KCNH4: variants seen among roughly 807,000 people sequenced by gnomAD.
KCNH4 encodes potassium voltage-gated channel subfamily H member 4.
In KCNH4, 33 loss-of-function variants were observed where a neutral mutation model predicts 90.7. The observed-to-expected ratio is 0.36, with a 90% CI of 0.28 to 0.49. The LOEUF (loss-of-function observed/expected upper bound fraction) is 0.49, where lower values mean the gene tolerates loss of function less well. Among genes scored for constraint, KCNH4 ranks in the 20% least tolerant of loss-of-function variants. The pLI, the probability that KCNH4 is intolerant of heterozygous loss-of-function variation, is 0.98. For synonymous variants in KCNH4, 551 were observed against 581.7 expected (o/e 0.95, Z 0.76); for missense variants, 1,044 against 1,387.1 (o/e 0.75, Z 3.93).
At chr17:42,174,391 T>C (rs2079848004) in intron 6 of KCNH4, among the ~76,000 whole-genome samples, 1 of 152,052 alleles carries the variant, frequency 6.6e-6, no homozygotes. Flanking sequence ...GGGCTCTCTG[T>C]AGTGTCCCAC....
Position 42,170,069 on chromosome 17 carries a change from C to T in KCNH4, c.1390+38G>A, listed in dbSNP as rs138304632. ...CAGTTTCCCCGTGCATGCTGGGCTT[C>T]GCAGGGCCCCACTGAGGCGTGGCAG... On this transcript the variant is annotated intron_variant, in intron 8 of 16. Transcript: ENST00000264661. 7,380 of 1,541,788 alleles carry T rather than the reference C, an allele frequency of 4.8e-3. 24 individuals are homozygous for T. Among genetic ancestry groups the T allele is most frequent in the Non-Finnish European group, 5.9e-3 (6,763 of 1,142,500 alleles).
At position 42,171,887 on chromosome 17, in the gene KCNH4, T is replaced by C. The variant is rs776954865; in HGVS notation, c.1096A>G (p.Met366Val). ...TGGGCAAGGAGCGCAAAGACCGACA[T>C]GAGCAGCGTGAGCACCACAGCACTG... ...QCSAVVLTLL[M>V]SVFALLAHWM... Residue 366 changes from methionine to valine, a missense_variant, in exon 7 of 17, where the codon ATG becomes GTG. By Grantham distance (21) the Met-to-Val change is conservative. Transcript: ENST00000264661. 4 of 1,613,866 alleles carry C rather than the reference T, an allele frequency of 2.5e-6. No individual in the cohort carries two copies. The highest frequency in any genetic ancestry group is 1.1e-5 in the South Asian group (1 of 91,078).
intron 8 of KCNH4, 23 bp from the exon 9 acceptor site, chr17:42,169,699 G>A: frequency 2.5e-6 from 4 of 1,609,226 alleles, no homozygotes; most frequent in Middle Eastern, 1.7e-4. Context: ...CAGCGGGCCT[G>A]TCAGGGGCGG....
intron 15 of KCNH4, 78 bp from the exon 16 acceptor site, chr17:42,160,513 T>C: frequency 6.9e-7 from 1 of 1,447,012 alleles, no homozygotes; most frequent in Non-Finnish European, 9.2e-7. Flanking sequence ...TTTACAAAGC[T>C]CTTTCGCAGC....
chr17:42,166,054 A>G lies in KCNH4; in HGVS notation c.1840+243T>C, dbSNP rs577829345. Among the ~76,000 whole-genome samples, 56 of 152,194 alleles carry G rather than the reference A, an allele frequency of 3.7e-4. 1 individual carries two copies. Among genetic ancestry groups the G allele is most frequent in the Non-Finnish European group, 6.9e-4 (47 of 67,998 alleles). Reference sequence around the variant, plus strand: ...GAAGTGGAGCAATGGGAAAGGATCAATTGAGCTGGGGGACAGTCACCGGGA... The same window carrying G: ...GAAGTGGAGCAATGGGAAAGGATCAGTTGAGCTGGGGGACAGTCACCGGGA... On this transcript the variant is annotated intron_variant, in intron 10 of 16. Transcript: ENST00000264661.
At chr17:42,172,628 T>C (rs1291876387) in intron 6 of KCNH4, among the ~76,000 whole-genome samples, 1 of 151,192 alleles carries the variant, frequency 6.6e-6, no homozygotes, top group East Asian at 1.9e-4. Context: ...TGCAGATGAA[T>C]GAACTGAGGT....
intron 4 of KCNH4, among the ~76,000 whole-genome samples, chr17:42,176,980 C>A (rs1318790118): frequency 6.6e-6 from 1 of 152,238 alleles, no homozygotes; most frequent in Non-Finnish European, 1.5e-5. Context: ...CAGCCTTAAA[C>A]TCCTGGGCTC....
chr17:42,163,397 C>G lies in KCNH4; in HGVS notation c.2478-63G>C. The G allele has an allele frequency of 8.2e-7, 1 of 1,224,740 alleles. No individual in the cohort carries two copies. The highest frequency in any genetic ancestry group is 1.2e-6 in the Non-Finnish European group (1 of 840,786). The allele number at this position is 1,224,740 out of a possible 1,614,324, so 75.9% of individuals were successfully genotyped here. A position where few individuals can be genotyped will look rare whatever the true frequency, so the allele number is the denominator to read the frequency against. ...AGGGTAAGGGCCAGAGCAGAGCAGA[C>G]AGAGGGGGACTGGGGGCAGCAGTGC... On this transcript the variant is annotated intron_variant, in intron 13 of 16. Transcript: ENST00000264661. This position sits in a 1 kb window ranked among gnomAD's most constrained non-coding sequence, Gnocchi z 5.4.
chr17:42,162,976 G>A (rs560039729), intron 14 of KCNH4, among the ~76,000 whole-genome samples: 9 of 152,278 alleles, frequency 5.9e-5, no homozygotes, highest in Admixed American at 4.6e-4. Context: ...CAAGGAAGTC[G>A]AGTGAGCACC....
chr17:42,158,371 A>T (rs2079722495), intron 16 of KCNH4, among the ~76,000 whole-genome samples: 1 of 148,854 alleles, frequency 6.7e-6, no homozygotes, highest in Non-Finnish European at 1.5e-5. Context: ...TCTACTAAAG[A>T]TACAAAAAAA....
chr17:42,180,867 C>CAA lies in KCNH4; in HGVS notation c.76+2_76+3insTT. On this transcript the variant is annotated splice_region_variant and intron_variant, in intron 1 of 16. Coordinates refer to ENST00000264661, the MANE Select transcript of KCNH4 (RefSeq NM_012285.3). The surrounding 1 kb of genome is among the most constrained non-coding windows in gnomAD (Gnocchi z 4.7). ...CTCAAGCCCCGACCTCCGTCCCACT[C>CAA]ACGCGTTCCGTCAAAACGGGTGGCG... 1 of 1,613,886 alleles carries CAA rather than the reference C, an allele frequency of 6.2e-7. No individual in the cohort carries two copies. The highest frequency in any genetic ancestry group is 8.5e-7 in the Non-Finnish European group (1 of 1,179,864).
intron 7 of KCNH4, among the ~76,000 whole-genome samples, chr17:42,170,933 A>G (rs557007818): frequency 5.3e-5 from 8 of 152,358 alleles, no homozygotes; most frequent in Non-Finnish European, 8.8e-5. Flanking sequence ...AGAAAGCAGT[A>G]TGTCCTGGGT....
At chr17:42,178,749 C>G in intron 2 of KCNH4, 44 bp downstream of exon 2, 1 of 1,534,406 alleles carries the variant, frequency 6.5e-7, no homozygotes, top group Non-Finnish European at 9.0e-7. Flanking sequence ...CTGGATAAGG[C>G]TAGGGGTCTA....
intron 6 of KCNH4, among the ~76,000 whole-genome samples, chr17:42,172,862 C>G (rs2144135431): frequency 6.6e-6 from 1 of 151,816 alleles, no homozygotes; most frequent in East Asian, 1.9e-4. Flanking sequence ...GGGGACCCCC[C>G]TTTAAGACAT....
At chr17:42,169,341 A>G in intron 9 of KCNH4, 136 bp downstream of exon 9, 1 of 798,446 alleles carries the variant, frequency 1.3e-6, no homozygotes, top group Non-Finnish European at 2.0e-6. Flanking sequence ...CAGCCTCCCA[A>G]AGTGCTGGGA....
intron 9 of KCNH4, 80 bp downstream of exon 9, chr17:42,169,397 A>T: frequency 7.5e-7 from 1 of 1,333,580 alleles, no homozygotes; most frequent in Non-Finnish European, 1.1e-6. Context: ...ATTTTAAGCT[A>T]CAGGGGCAGC....
At chr17:42,172,333 C>G (rs970530454) in intron 6 of KCNH4, among the ~76,000 whole-genome samples, 2 of 151,792 alleles carry the variant, frequency 1.3e-5, no homozygotes, top group African/African-American at 4.8e-5. Flanking sequence ...GCCTCCCTCC[C>G]CAGCTAATTT....
intron 6 of KCNH4, among the ~76,000 whole-genome samples, chr17:42,172,483 G>A (rs866097080): frequency 6.0e-5 from 9 of 148,874 alleles, no homozygotes; most frequent in Admixed American, 2.7e-4. Flanking sequence ...TAGTAAGTAC[G>A]TTCTATGTGC....
rs138917401 is a variant in KCNH4 at position 42,160,331 on chromosome 17, G to A, written c.2763C>T (p.Ser921=). The A allele has an allele frequency of 5.8e-3, 9,392 of 1,614,106 alleles. 32 individuals carry two copies. The highest frequency in any genetic ancestry group is 6.8e-3 in the Non-Finnish European group (7,967 of 1,180,006). Residue 921 remains serine, a synonymous_variant, in exon 16 of 17, where the codon TCC becomes TCT. Transcript: ENST00000264661. ...RLGPPGHPAG[S]AWTPDPPCPQ... ...GACAAGGAGGGTCTGGGGTCCAAGC[G>A]GAGCCTGCTGGGTGGCCTGGGGGAC...
Sources: allele counts gnomAD v4.1 joint callset (sites outside exome capture counted in the v4.1 genomes callset), GRCh38; gene constraint gnomAD v4.1.1; non-coding constraint Gnocchi (gnomAD v3.1); transcripts MANE v1.5; gene names NCBI Gene and HGNC (gene_info 2026-07-23, HGNC 2026-07-21).